The following PRKAG2 variants were observed in gnomAD, a reference collection of about 807,000 sequenced individuals.
PRKAG2 encodes protein kinase AMP-activated non-catalytic subunit gamma 2.
Under a neutral mutation model 69.6 loss-of-function variants are expected in PRKAG2, and 26 were observed. The ratio of observed to expected loss-of-function variants is 0.37; its 90% CI spans 0.27 to 0.52. The LOEUF is 0.52. Ranked by LOEUF, PRKAG2 falls within the 20% of genes least tolerant of loss-of-function variation. The probability of loss-of-function intolerance (pLI) is 0.90; values close to 1 mark genes in which losing one functional copy is unlikely to be tolerated. For missense variants in PRKAG2, 557 were observed against 740.0 expected (o/e 0.75, Z 2.87); for synonymous variants, 293 against 285.0 (o/e 1.03, Z -0.28).
intron 1 of PRKAG2, among the ~76,000 whole-genome samples, chr7:151,831,283 C>T (rs1332175081): frequency 6.6e-6 from 1 of 152,084 alleles, no homozygotes; most frequent in Non-Finnish European, 1.5e-5. Flanking sequence ...GAAATTTGTA[C>T]ACAAATGTTT....
intron 6 of PRKAG2, among the ~76,000 whole-genome samples, chr7:151,589,125 C>T (rs1585074353): frequency 6.6e-6 from 1 of 152,230 alleles, no homozygotes. Context: ...TTGCTCCTCC[C>T]GTCAGCGGCT....
In PRKAG2 at chr7:151,781,416, C is replaced by T. The variant is rs730880970; in HGVS notation, c.202G>A (p.Gly68Ser). The T allele has an allele frequency of 1.9e-5, 30 of 1,607,634 alleles. No homozygotes were observed. Among genetic ancestry groups the T allele is most frequent in the Admixed American group, 3.4e-5 (2 of 59,114 alleles). The change falls in exon 3 of 16, where the codon GGC (glycine) becomes AGC (serine). Residue 68 changes from glycine to serine, a missense_variant. By Grantham distance (56) the Gly-to-Ser change is moderately conservative. Coordinates refer to ENST00000287878, the MANE Select transcript of PRKAG2 (RefSeq NM_016203.4). The surrounding 1 kb of genome is among the most constrained non-coding windows in gnomAD (Gnocchi z 6.1). ...HSSRKVDSPF[G>S]PGSPSKGFFS... ...AACCCTTTGGAGGGGCTGCCCGGGC[C>T]GAAGGGGCTGTCCACCTGCAGAAAA...
chr7:151,863,758 T>TA (rs2079992674), intron 1 of PRKAG2, among the ~76,000 whole-genome samples: 1 of 151,638 alleles, frequency 6.6e-6, no homozygotes, highest in African/African-American at 2.4e-5. Context: ...CTATGAAAAA[T>TA]CAAAAAATTA....
chr7:151,854,014 C>A (rs971829602), intron 1 of PRKAG2, among the ~76,000 whole-genome samples: 2 of 152,086 alleles, frequency 1.3e-5, no homozygotes, highest in African/African-American at 2.4e-5. Flanking sequence ...TGAGGTCAGG[C>A]CTGTCCACCC....
intron 4 of PRKAG2, among the ~76,000 whole-genome samples, chr7:151,674,165 T>C (rs1367807683): frequency 6.6e-6 from 1 of 151,954 alleles, no homozygotes; most frequent in Non-Finnish European, 1.5e-5. Flanking sequence ...AAGAAGGAAA[T>C]TGGGATGCAA....
intron 3 of PRKAG2, among the ~76,000 whole-genome samples, chr7:151,715,654 C>T (rs569947150): frequency 1.3e-5 from 2 of 152,102 alleles, no homozygotes; most frequent in African/African-American, 4.8e-5. Context: ...CCGTGCCTGG[C>T]CAAAAGCAAA....
intron 6 of PRKAG2, among the ~76,000 whole-genome samples, chr7:151,577,512 C>T (rs1243230487): frequency 1.3e-5 from 2 of 152,154 alleles, no homozygotes; most frequent in East Asian, 3.8e-4. Context: ...AGTTGCAGCT[C>T]CTAATACAAG....
At position 151,836,157 on chromosome 7, in the gene PRKAG2, T is replaced by C. The variant is rs2079142935; in HGVS notation, c.114+40350A>G. On this transcript the variant is annotated intron_variant, in intron 1 of 15. Coordinates refer to ENST00000287878, the MANE Select transcript of PRKAG2 (RefSeq NM_016203.4). The surrounding 1 kb of genome is among the most constrained non-coding windows in gnomAD (Gnocchi z 4.1). ...TGAGTTTTGTCTTCGGCCGTGTCTTTGGAGCATTCCTTCCCCTATAGCATG... is the reference window on the plus strand; with the variant it reads ...TGAGTTTTGTCTTCGGCCGTGTCTTCGGAGCATTCCTTCCCCTATAGCATG... 6.6e-6 allele frequency among the ~76,000 whole-genome samples: 1 copy of C among 152,242 alleles called. No individual in the cohort carries two copies. Among genetic ancestry groups the C allele is most frequent in the Admixed American group, 6.5e-5 (1 of 15,290 alleles).
intron 5 of PRKAG2, among the ~76,000 whole-genome samples, chr7:151,618,310 G>A (rs908086781): frequency 1.1e-4 from 17 of 151,268 alleles, no homozygotes; most frequent in African/African-American, 3.2e-4. Flanking sequence ...AAAATTAGCC[G>A]GGCATGGTGG....
intron 14 of PRKAG2, among the ~76,000 whole-genome samples, 187 bp from the exon 15 acceptor site, chr7:151,560,804 T>C (rs1804779843): frequency 6.6e-6 from 1 of 152,120 alleles, no homozygotes; most frequent in Non-Finnish European, 1.5e-5. Flanking sequence ...GCACCTGTGG[T>C]CCCAGTTACT....
At chr7:151,606,544 G>C (rs1029374191) in intron 5 of PRKAG2, among the ~76,000 whole-genome samples, 1 of 152,186 alleles carries the variant, frequency 6.6e-6, no homozygotes, top group Non-Finnish European at 1.5e-5. Flanking sequence ...CCTTGGCCGC[G>C]TGCGGTGGCT....
Position 151,801,618 on chromosome 7 carries a change from G to A in PRKAG2, c.115-15077C>T, listed in dbSNP as rs576116216. On this transcript the variant is annotated intron_variant, in intron 1 of 15. Transcript: ENST00000287878. ...TTGGGGACTCAAGGCTGCAAACCACGGCGCTAATGAACCTAAACAAGGGAA... is the reference window on the plus strand; with the variant it reads ...TTGGGGACTCAAGGCTGCAAACCACAGCGCTAATGAACCTAAACAAGGGAA... 8.2e-4 allele frequency among the ~76,000 whole-genome samples: 125 copies of A among 152,304 alleles called. 2 individuals are homozygous for A. Among genetic ancestry groups the A allele is most frequent in the African/African-American group, 3.0e-3 (124 of 41,562 alleles).
At chr7:151,624,391 T>A (rs1822344674) in intron 5 of PRKAG2, among the ~76,000 whole-genome samples, 1 of 151,946 alleles carries the variant, frequency 6.6e-6, no homozygotes, top group Non-Finnish European at 1.5e-5. Flanking sequence ...ACTCAAATGA[T>A]CCATCCACCT....
At chr7:151,618,140 A>G (rs80039997) in intron 5 of PRKAG2, among the ~76,000 whole-genome samples, 6,468 of 152,178 alleles carry the variant, frequency 0.043, 454 homozygotes, top group African/African-American at 0.15. Context: ...TAGGCAACAC[A>G]GTAAAACCTC....
chr7:151,649,665 C>T (rs1416340872), intron 4 of PRKAG2, among the ~76,000 whole-genome samples: 1 of 152,142 alleles, frequency 6.6e-6, no homozygotes, highest in African/African-American at 2.4e-5. Context: ...AGTGAATTTT[C>T]ATGAGAGCTG....
chr7:151,779,747 G>A (rs373406720), intron 3 of PRKAG2, among the ~76,000 whole-genome samples: 1 of 152,088 alleles, frequency 6.6e-6, no homozygotes, highest in African/African-American at 2.4e-5. Flanking sequence ...ACACAACATC[G>A]CAAGTTCCCC....
chr7:151,635,681 G>GGGATGCCTCT (rs1825609394), intron 4 of PRKAG2, among the ~76,000 whole-genome samples: 1 of 152,104 alleles, frequency 6.6e-6, no homozygotes, highest in Non-Finnish European at 1.5e-5. Context: ...CGGGGATCAG[G>GGGATGCCTCT]GGCTGGGGTA....
chr7:151,828,950 C>T lies in PRKAG2; in HGVS notation c.115-42409G>A. Among the ~76,000 whole-genome samples the T allele has an allele frequency of 6.6e-6, 1 of 152,028 alleles. No individual in the cohort carries two copies. The highest frequency in any genetic ancestry group is 2.1e-4 in the South Asian group (1 of 4,798). ...GAACAATAAAAAATAACTGCTTATA[C>T]TTGTGTTTATTTGACGTGTTCTCAA... is the stretch of plus-strand genomic sequence containing the variant. On this transcript the variant is annotated intron_variant, in intron 1 of 15. Coordinates refer to ENST00000287878, the MANE Select transcript of PRKAG2 (RefSeq NM_016203.4). The surrounding 1 kb of genome is among the most constrained non-coding windows in gnomAD (Gnocchi z 4.6).
intron 1 of PRKAG2, among the ~76,000 whole-genome samples, chr7:151,793,318 C>T (rs1023768583): frequency 7.9e-5 from 12 of 152,214 alleles, no homozygotes; most frequent in South Asian, 2.1e-4. Context: ...GCCTTCACAA[C>T]GCTATCTAGG....
Sources: gnomAD v4.1 joint callset for allele counts (sites outside exome capture counted in the v4.1 genomes callset) on GRCh38, gnomAD v4.1.1 for gene constraint, Gnocchi (gnomAD v3.1) non-coding constraint, MANE v1.5 for transcripts, NCBI Gene and HGNC (gene_info 2026-07-23, HGNC 2026-07-21) for gene names.